The following GRAMD1B variants were observed in gnomAD, a reference collection of about 807,000 sequenced individuals.
GRAMD1B encodes protein Aster-B.
In GRAMD1B, 37 loss-of-function variants were observed where a neutral mutation model predicts 99.7. That is an observed-to-expected ratio of 0.37 (90% CI 0.29 to 0.49). The LOEUF is 0.49. GRAMD1B is among the 20% of genes least tolerant of loss of function. The pLI is 0.98. For missense variants in GRAMD1B, 888 were observed against 1,009.2 expected (o/e 0.88, Z 1.63); for synonymous variants, 427 against 387.6 (o/e 1.10, Z -1.19).
In GRAMD1B at chr11:123,515,296, C is replaced by T. The variant is rs146892274; in HGVS notation, c.452+34403C>T. Among the ~76,000 whole-genome samples the T allele has an allele frequency of 5.1e-3, 782 of 152,196 alleles. 5 individuals carry two copies. Among genetic ancestry groups the T allele is most frequent in the Non-Finnish European group, 7.5e-3 (507 of 68,020 alleles). ...CGTGAGATATCTAGGTGAAGTTGTT[C>T]AGAAACAATGAGAAATTTGTGTCTG... On this transcript the variant is annotated intron_variant, in intron 2 of 19. Coordinates refer to ENST00000635736, the MANE Select transcript of GRAMD1B (RefSeq NM_001387025.1).
At chr11:123,411,752 A>G (rs113108191) in intron 1 of GRAMD1B, among the ~76,000 whole-genome samples, 2,763 of 152,146 alleles carry the variant, frequency 0.018, 79 homozygotes, top group African/African-American at 0.064. Flanking sequence ...GGCTTCAGTG[A>G]TCCTCCCACC....
At chr11:123,611,145 G>A (rs1953487461) in intron 14 of GRAMD1B, among the ~76,000 whole-genome samples, 1 of 152,178 alleles carries the variant, frequency 6.6e-6, no homozygotes, top group Admixed American at 6.5e-5. Flanking sequence ...TTCAAGAAGT[G>A]CGCATCAAGA....
chr11:123,418,913 T>C (rs1948325607), intron 1 of GRAMD1B, among the ~76,000 whole-genome samples: 1 of 152,170 alleles, frequency 6.6e-6, no homozygotes, highest in South Asian at 2.1e-4. Flanking sequence ...GTGAGCTTGG[T>C]AACACACAAC....
At chr11:123,435,862 T>C (rs752765540) in intron 1 of GRAMD1B, 1 of 165,546 alleles carries the variant, frequency 6.0e-6, no homozygotes, top group Non-Finnish European at 1.3e-5. Context: ...TGGTTTTTAA[T>C]ATATTCACAG....
chr11:123,446,160 G>A, intron 1 of GRAMD1B, among the ~76,000 whole-genome samples: 1 of 152,098 alleles, frequency 6.6e-6, no homozygotes, highest in East Asian at 1.9e-4. Flanking sequence ...AGCCTCTGCA[G>A]ACTTCTTTTA....
At chr11:123,563,038 G>A (rs993204715) in intron 2 of GRAMD1B, among the ~76,000 whole-genome samples, 4 of 152,152 alleles carry the variant, frequency 2.6e-5, no homozygotes, top group Admixed American at 6.5e-5. Flanking sequence ...GAGATCACCC[G>A]GACTCCGTTC....
intron 1 of GRAMD1B, among the ~76,000 whole-genome samples, chr11:123,445,044 A>G (rs567064813): frequency 2.6e-5 from 4 of 152,320 alleles, no homozygotes; most frequent in South Asian, 4.1e-4. Context: ...GGAAAGTCCA[A>G]GGGTTTTAGG....
intron 1 of GRAMD1B, among the ~76,000 whole-genome samples, chr11:123,405,192 A>G (rs1342550394): frequency 2.0e-5 from 3 of 147,936 alleles, no homozygotes; most frequent in East Asian, 2.0e-4. Context: ...TCATGTGTGC[A>G]TGTGTGTGTG....
chr11:123,619,433 A>G (rs1954852396), intron 19 of GRAMD1B: 32 of 1,370,512 alleles, frequency 2.3e-5, no homozygotes, highest in Non-Finnish European at 3.0e-5. Flanking sequence ...AATAAGAACA[A>G]TAAAATGACC....
intron 1 of GRAMD1B, among the ~76,000 whole-genome samples, chr11:123,371,097 T>A (rs559058376): frequency 2.4e-5 from 3 of 122,868 alleles, no homozygotes; most frequent in Admixed American, 2.3e-4. Context: ...GATTCTAGGC[T>A]GACACTGGAG....
intron 1 of GRAMD1B, among the ~76,000 whole-genome samples, chr11:123,437,077 A>G (rs904119072): frequency 1.3e-5 from 2 of 152,198 alleles, no homozygotes; most frequent in African/African-American, 4.8e-5. Flanking sequence ...TACAAAGGAC[A>G]TGAACTCATC....
chr11:123,567,162 A>G (rs143335973), intron 2 of GRAMD1B, among the ~76,000 whole-genome samples: 3 of 152,224 alleles, frequency 2.0e-5, no homozygotes, highest in Admixed American at 6.5e-5. Flanking sequence ...AACAAGTGCC[A>G]ATATCCTAGG....
In GRAMD1B at chr11:123,596,021, G is replaced by T; in HGVS notation, c.953G>T (p.Cys318Phe). 2 of 1,599,032 alleles carry T rather than the reference G, an allele frequency of 1.3e-6. No individual in the cohort carries two copies. The highest frequency in any genetic ancestry group is 1.7e-6 in the Non-Finnish European group (2 of 1,169,138). The change falls in exon 7 of 20, where the codon TGC (cysteine) becomes TTC (phenylalanine). Residue 318 changes from cysteine to phenylalanine, a missense_variant. By Grantham distance (205) the Cys-to-Phe change is radical (BLOSUM62 -2). This residue lies in a region of GRAMD1B where 62 missense variants were observed against 139.4 expected (regional missense o/e 0.44). Coordinates refer to ENST00000635736, the MANE Select transcript of GRAMD1B (RefSeq NM_001387025.1). ...ARLIPNAIQV[C>F]TDSEKHFFTS... is the part of the protein sequence containing the mutation. ...CTCATTCCCAATGCCATCCAAGTTT[G>T]CACTGATTCAGAAAAGGTAAGTGGA...
At chr11:123,422,169 G>A (rs898857215) in intron 1 of GRAMD1B, among the ~76,000 whole-genome samples, 2 of 152,194 alleles carry the variant, frequency 1.3e-5, no homozygotes, top group African/African-American at 2.4e-5. Context: ...GGATGTGGGG[G>A]GGATACAAGC....
chr11:123,622,438 G>T, intron 19 of GRAMD1B, 68 bp from the exon 20 acceptor site: 1 of 958,596 alleles, frequency 1.0e-6, no homozygotes, highest in South Asian at 1.4e-5. Context: ...GTGGGGAGAG[G>T]GCTGCTCGGT....
intron 9 of GRAMD1B, 131 bp from the exon 10 acceptor site, chr11:123,605,190 GA>G: frequency 1.7e-6 from 1 of 578,836 alleles, no homozygotes. Flanking sequence ...TTGGTTAGAG[GA>G]AGATCATACA....
chr11:123,416,934 G>T (rs1002366056), intron 1 of GRAMD1B, among the ~76,000 whole-genome samples: 2 of 152,220 alleles, frequency 1.3e-5, no homozygotes, highest in African/African-American at 4.8e-5. Flanking sequence ...ACTGAGAGAT[G>T]AATGAACTTG....
At chr11:123,561,363 A>G (rs1946749528) in intron 2 of GRAMD1B, among the ~76,000 whole-genome samples, 1 of 152,234 alleles carries the variant, frequency 6.6e-6, no homozygotes, top group Admixed American at 6.5e-5. Flanking sequence ...GGAGAGGGCC[A>G]TGGGACAGAT....
chr11:123,552,326 C>T (rs1330626225), intron 2 of GRAMD1B, among the ~76,000 whole-genome samples: 4 of 133,968 alleles, frequency 3.0e-5, no homozygotes, highest in Non-Finnish European at 6.1e-5. Context: ...GAATCTCACT[C>T]TGTCACCCAG....
Sources: allele counts gnomAD v4.1 joint callset (sites outside exome capture counted in the v4.1 genomes callset), GRCh38; gene constraint gnomAD v4.1.1; regional missense constraint gnomAD v4.1.1; transcripts MANE v1.5; gene names NCBI Gene and HGNC (gene_info 2026-07-23, HGNC 2026-07-21).